The following PRKG1 variants were observed in gnomAD, a reference collection of about 807,000 sequenced individuals.
PRKG1 encodes cGMP-dependent protein kinase 1.
PRKG1 carries 35 observed loss-of-function variants against 88.1 expected under a neutral mutation model. The observed-to-expected ratio is 0.40, with a 90% confidence interval of 0.30 to 0.53. PRKG1 has a LOEUF of 0.53. PRKG1 is among the 20% of genes least tolerant of loss of function. The pLI, the probability that PRKG1 is intolerant of heterozygous loss-of-function variation, is 0.59. For missense variants in PRKG1, 540 were observed against 839.8 expected (o/e 0.64, Z 4.41); for synonymous variants, 303 against 292.5 (o/e 1.04, Z -0.37).
chr10:51,041,086 C>T (rs1386870819), intron 1 of PRKG1, among the ~76,000 whole-genome samples: 1 of 152,008 alleles, frequency 6.6e-6, no homozygotes, highest in Non-Finnish European at 1.5e-5. Flanking sequence ...AGAGTAGTCT[C>T]TCCCTGTGGC....
chr10:51,078,290 C>T (rs767943546), intron 1 of PRKG1, among the ~76,000 whole-genome samples: 1 of 151,904 alleles, frequency 6.6e-6, no homozygotes, highest in African/African-American at 2.4e-5. Flanking sequence ...ACGATCTTGG[C>T]TCACTGTAAC....
chr10:51,022,375 C>G (rs1843150444), intron 1 of PRKG1, among the ~76,000 whole-genome samples: 1 of 152,218 alleles, frequency 6.6e-6, no homozygotes, highest in African/African-American at 2.4e-5. Flanking sequence ...ATCTCCTCTT[C>G]AGGGCACTGT....
chr10:52,198,337 C>T (rs1489688193), intron 9 of PRKG1, among the ~76,000 whole-genome samples: 4 of 152,096 alleles, frequency 2.6e-5, no homozygotes, highest in Non-Finnish European at 5.9e-5. Flanking sequence ...GACTGATAGA[C>T]ATAGTTTTTA....
At chr10:51,153,377 C>T in intron 2 of PRKG1, 47 bp downstream of exon 2, 1 of 1,524,448 alleles carries the variant, frequency 6.6e-7, no homozygotes, top group Non-Finnish European at 8.9e-7. Context: ...ATTCTTTTTT[C>T]ATCTTATCAG....
chr10:51,841,777 G>T (rs1165842045), intron 4 of PRKG1, among the ~76,000 whole-genome samples: 1 of 152,114 alleles, frequency 6.6e-6, no homozygotes, highest in Non-Finnish European at 1.5e-5. Flanking sequence ...CTGCCTCCCA[G>T]GTTCAAGCGA....
chr10:52,091,807 A>G (rs1456014754), intron 7 of PRKG1, among the ~76,000 whole-genome samples: 1 of 152,254 alleles, frequency 6.6e-6, no homozygotes, highest in Non-Finnish European at 1.5e-5. Context: ...AAGTGGTGAT[A>G]GGAAAGTAAC....
intron 4 of PRKG1, among the ~76,000 whole-genome samples, chr10:51,831,452 G>A (rs1225018662): frequency 2.6e-5 from 4 of 151,896 alleles, no homozygotes; most frequent in Non-Finnish European, 5.9e-5. Context: ...ATGTAAATGA[G>A]ACAAGGTGGG....
chr10:52,044,602 G>A (rs375579834), intron 5 of PRKG1, among the ~76,000 whole-genome samples: 3 of 152,080 alleles, frequency 2.0e-5, no homozygotes, highest in African/African-American at 4.8e-5. Context: ...TAAGGAATAC[G>A]TTTTACACTT....
At chr10:51,072,775 A>G (rs938694378), upstream of PRKG1, among the ~76,000 whole-genome samples, 2 of 152,168 alleles carry the variant, frequency 1.3e-5, no homozygotes, top group African/African-American at 4.8e-5. Context: ...TCCTCTAATT[A>G]AAAACAAGGA....
chr10:51,428,662 A>G (rs964709831), intron 2 of PRKG1, among the ~76,000 whole-genome samples: 6 of 152,152 alleles, frequency 3.9e-5, no homozygotes, highest in Non-Finnish European at 7.3e-5. Context: ...CAAATACTTC[A>G]CTGTGGTAAG....
chr10:51,307,743 A>C (rs115139449), intron 2 of PRKG1, among the ~76,000 whole-genome samples: 1 of 152,108 alleles, frequency 6.6e-6, no homozygotes, highest in Non-Finnish European at 1.5e-5. Flanking sequence ...AATATATTCT[A>C]TATTATTTAT....
At chr10:52,077,681 C>T (rs1324176319) in intron 7 of PRKG1, among the ~76,000 whole-genome samples, 1 of 152,080 alleles carries the variant, frequency 6.6e-6, no homozygotes, top group Non-Finnish European at 1.5e-5. Flanking sequence ...CATGGTTCTA[C>T]ACACAGGAGG....
chr10:51,666,061 G>T (rs1209609529), intron 3 of PRKG1, among the ~76,000 whole-genome samples: 2 of 152,130 alleles, frequency 1.3e-5, no homozygotes, highest in East Asian at 1.9e-4. Context: ...TAGCCTTAGA[G>T]AAATTAATGG....
At chr10:52,037,614 G>A (rs1845651075) in intron 5 of PRKG1, among the ~76,000 whole-genome samples, 1 of 152,162 alleles carries the variant, frequency 6.6e-6, no homozygotes, top group Non-Finnish European at 1.5e-5. Context: ...TTGGGATAAA[G>A]AAAAAGGAGC....
intron 2 of PRKG1, among the ~76,000 whole-genome samples, chr10:51,461,407 C>CA (rs1191658210): frequency 6.6e-6 from 1 of 151,902 alleles, no homozygotes; most frequent in Non-Finnish European, 1.5e-5. Context: ...ACTATGGATA[C>CA]AAAAAGGTTT....
intron 3 of PRKG1, among the ~76,000 whole-genome samples, chr10:51,610,719 T>C (rs1169381904): frequency 6.6e-6 from 1 of 152,138 alleles, no homozygotes; most frequent in Non-Finnish European, 1.5e-5. Context: ...GCCATAAAAA[T>C]GAATGAATCA....
chr10:51,707,858 T>C (rs12250993), intron 3 of PRKG1, among the ~76,000 whole-genome samples: 10,768 of 152,274 alleles, frequency 0.071, 405 homozygotes, highest in East Asian at 0.085. Context: ...AAAAACATTA[T>C]GTCAAGAATT....
chr10:51,628,008 C>CTCTCTCTT (rs1554826926), intron 3 of PRKG1, among the ~76,000 whole-genome samples: 1 of 50,440 alleles, frequency 2.0e-5, no homozygotes, highest in Non-Finnish European at 4.2e-5. Flanking sequence ...CTCTCTCTCT[C>CTCTCTCTT]TCTTTCTTTC....
At chr10:51,267,532 C>T (rs1024538121) in intron 2 of PRKG1, among the ~76,000 whole-genome samples, 1 of 152,090 alleles carries the variant, frequency 6.6e-6, no homozygotes, top group South Asian at 2.1e-4. Flanking sequence ...ATATACTAAG[C>T]TGGTTTACTA....
Sources: allele counts gnomAD v4.1 joint callset (sites outside exome capture counted in the v4.1 genomes callset), GRCh38; gene constraint gnomAD v4.1.1; transcripts MANE v1.5; gene names NCBI Gene and HGNC (gene_info 2026-07-23, HGNC 2026-07-21).